COL4A1: variants seen among roughly 807,000 people sequenced by gnomAD.
The protein encoded by COL4A1 is collagen alpha-1(IV) chain.
COL4A1 carries 40 observed loss-of-function variants against 216.6 expected under a neutral mutation model. The observed-to-expected ratio is 0.18, with a 90% CI of 0.14 to 0.24. The LOEUF is 0.24. Ranked by LOEUF, COL4A1 falls within the 10% of genes least tolerant of loss-of-function variation. The pLI is 1.00. For synonymous variants in COL4A1, 839 were observed against 810.7 expected (o/e 1.03, Z -0.59); for missense variants, 1,628 against 2,196.8 (o/e 0.74, Z 5.18).
chr13:110,209,963 C>T lies in COL4A1; in HGVS notation c.615+17G>A. ...TTTTTAAATGATTGCCTCGGAGAGA[C>T]AGCCCCCAAAACTTACTGGTGGTCC... On this transcript the variant is annotated intron_variant, in intron 10 of 51. Coordinates refer to ENST00000375820, the MANE Select transcript of COL4A1 (RefSeq NM_001845.6). 2 of 1,613,882 alleles carry T rather than the reference C, an allele frequency of 1.2e-6. No homozygotes were observed. Among genetic ancestry groups the T allele is most frequent in the Non-Finnish European group, 1.7e-6 (2 of 1,179,768 alleles).
In COL4A1 at chr13:110,252,636, A is replaced by G. The variant is rs1286657098; in HGVS notation, c.85-9902T>C. 0.019 allele frequency among the ~76,000 whole-genome samples: 104 copies of G among 5,338 alleles called. 50 individuals are homozygous for G. In the Non-Finnish European group the frequency reaches 0.32, roughly 16 times the overall value. The allele number at this position is 5,338 out of a possible 152,430, so 3.5% of individuals were successfully genotyped here. A position where few individuals can be genotyped will look rare whatever the true frequency, so the allele number is the denominator to read the frequency against. ...ATATGTATAATTGTATATATTATAT[A>G]TACTTATATACAAAATGTATATATG... On this transcript the variant is annotated intron_variant, in intron 1 of 51. Transcript: ENST00000375820.
At chr13:110,284,929 C>G (rs1391643190) in intron 1 of COL4A1, among the ~76,000 whole-genome samples, 1 of 152,210 alleles carries the variant, frequency 6.6e-6, no homozygotes, top group Non-Finnish European at 1.5e-5. Context: ...ATGACACCGT[C>G]CCTGCCCTTG....
At chr13:110,192,721 A>G in intron 23 of COL4A1, 109 bp downstream of exon 23, 1 of 861,366 alleles carries the variant, frequency 1.2e-6, no homozygotes, top group Non-Finnish European at 1.9e-6. Flanking sequence ...ATGCTTTAGG[A>G]TTGGCTGCCG....
At position 110,268,611 on chromosome 13, in the gene COL4A1, G is replaced by C. The variant is rs1224467293; in HGVS notation, c.85-25877C>G. Reference sequence around the variant, plus strand: ...TTGAGCTTCAAGCCTCAGTTAAAATGCTGGCCGTGCCACTGTGCTCTGCTG... The same window carrying C: ...TTGAGCTTCAAGCCTCAGTTAAAATCCTGGCCGTGCCACTGTGCTCTGCTG... On this transcript the variant is annotated intron_variant, in intron 1 of 51. Coordinates refer to ENST00000375820, the MANE Select transcript of COL4A1 (RefSeq NM_001845.6). The surrounding 1 kb of genome is among the most constrained non-coding windows in gnomAD (Gnocchi z 4.1). Among the ~76,000 whole-genome samples, 2 of 152,228 alleles carry C rather than the reference G, an allele frequency of 1.3e-5. No homozygotes were observed. Among genetic ancestry groups the C allele is most frequent in the Admixed American group, 1.3e-4 (2 of 15,292 alleles).
intron 41 of COL4A1, among the ~76,000 whole-genome samples, chr13:110,170,940 G>A (rs1456227561): frequency 6.6e-6 from 1 of 152,216 alleles, no homozygotes; most frequent in Non-Finnish European, 1.5e-5. Flanking sequence ...TGGCCTGGCT[G>A]GAAAAAGAGC....
chr13:110,291,432 G>T lies in COL4A1; in HGVS notation c.84+15512C>A, dbSNP rs188940074. ...ATGTCGGGATGTGCTAGGGGTGCAC[G>T]GGAGCGCCATTAGTAATTTCACCCA... is the stretch of plus-strand genomic sequence containing the variant. On this transcript the variant is annotated intron_variant, in intron 1 of 51. Coordinates refer to ENST00000375820, the MANE Select transcript of COL4A1 (RefSeq NM_001845.6). Among the ~76,000 whole-genome samples the T allele has an allele frequency of 2.8e-4, 43 of 152,266 alleles. No individual in the cohort carries two copies. The East Asian group carries it at 7.3e-3, about 26-fold the overall frequency.
At chr13:110,227,564 G>C (rs1289339816) in intron 2 of COL4A1, among the ~76,000 whole-genome samples, 1 of 152,068 alleles carries the variant, frequency 6.6e-6, no homozygotes, top group Non-Finnish European at 1.5e-5. Flanking sequence ...CCACTCCCAG[G>C]GTCTGAGGTC....
chr13:110,194,973 A>G (rs1225913021), intron 22 of COL4A1, 50 bp downstream of exon 22: 1 of 1,547,434 alleles, frequency 6.5e-7, no homozygotes, highest in African/African-American at 1.4e-5. Context: ...GTGGGAAAAA[A>G]TCATACGCAA....
rs530096241 is a variant in COL4A1, at chr13:110,175,708, A to C, written c.3059-351T>G. 8.5e-5 allele frequency among the ~76,000 whole-genome samples: 13 copies of C among 152,364 alleles called. No individual in the cohort carries two copies. The East Asian group carries it at 2.5e-3, about 29-fold the overall frequency. On this transcript the variant is annotated intron_variant, in intron 36 of 51. Transcript: ENST00000375820. ...CTTTATTATACAGCCAGCTCTCATCAGCCAGACGTCACAGGGACTATGAGG... is the reference window on the plus strand; with the variant it reads ...CTTTATTATACAGCCAGCTCTCATCCGCCAGACGTCACAGGGACTATGAGG...
Position 110,271,880 on chromosome 13 carries a change from T to A in COL4A1, c.85-29146A>T, listed in dbSNP as rs192111376. On this transcript the variant is annotated intron_variant, in intron 1 of 51. Coordinates refer to ENST00000375820, the MANE Select transcript of COL4A1 (RefSeq NM_001845.6). ...AAGATATACGGGAATACTTTGGAAC[T>A]TTTTTCTAAGTCTGAAGTTATTTCA... Among the ~76,000 whole-genome samples the A allele has an allele frequency of 2.6e-5, 4 of 152,366 alleles. No homozygotes were observed. In the East Asian group the frequency reaches 7.7e-4, roughly 29 times the overall value.
At chr13:110,291,088 C>A (rs1884068359) in intron 1 of COL4A1, among the ~76,000 whole-genome samples, 1 of 152,236 alleles carries the variant, frequency 6.6e-6, no homozygotes, top group Admixed American at 6.5e-5. Flanking sequence ...CTCCTCAGGA[C>A]ACTTGCAGCT....
Position 110,211,318 on chromosome 13 carries a change from C to A in COL4A1, c.468+329G>T, listed in dbSNP as rs1879785753. ...CGCCTGGGAAAAGCTGCCCCAGGTTCCCTCCTGGGAAGTCTGAGAGGCACC... is the reference window on the plus strand; with the variant it reads ...CGCCTGGGAAAAGCTGCCCCAGGTTACCTCCTGGGAAGTCTGAGAGGCACC... On this transcript the variant is annotated intron_variant, in intron 8 of 51. Coordinates refer to ENST00000375820, the MANE Select transcript of COL4A1 (RefSeq NM_001845.6). This position sits in a 1 kb window ranked among gnomAD's most constrained non-coding sequence, Gnocchi z 4.3. Among the ~76,000 whole-genome samples, 1 of 152,224 alleles carries A rather than the reference C, an allele frequency of 6.6e-6. No homozygotes were observed.
At chr13:110,230,298 G>A (rs1332927487) in intron 2 of COL4A1, among the ~76,000 whole-genome samples, 1 of 152,050 alleles carries the variant, frequency 6.6e-6, no homozygotes, top group African/African-American at 2.4e-5. Context: ...ATGTATGTGT[G>A]TGGTGTGTGC....
At chr13:110,183,933 T>C (rs1055590220) in intron 26 of COL4A1, among the ~76,000 whole-genome samples, 11 of 152,262 alleles carry the variant, frequency 7.2e-5, no homozygotes, top group African/African-American at 2.4e-4. Context: ...CCTCCAAGAA[T>C]GCACGCACTG....
chr13:110,178,386 G>A (rs1408025864), intron 31 of COL4A1, among the ~76,000 whole-genome samples, 155 bp from the exon 32 acceptor site: 2 of 152,176 alleles, frequency 1.3e-5, no homozygotes, highest in Non-Finnish European at 2.9e-5. Context: ...TTGGTGTTTG[G>A]GGTCATCAGG....
chr13:110,279,983 A>C (rs1233728605), intron 1 of COL4A1, among the ~76,000 whole-genome samples: 1 of 152,142 alleles, frequency 6.6e-6, no homozygotes, highest in African/African-American at 2.4e-5. Flanking sequence ...GTGTCTGCAC[A>C]TTACTGAATT....
intron 2 of COL4A1, among the ~76,000 whole-genome samples, chr13:110,226,286 T>C (rs1880733181): frequency 6.6e-6 from 1 of 152,194 alleles, no homozygotes; most frequent in African/African-American, 2.4e-5. Context: ...TTAATAAATA[T>C]CTCTGTAATT....
chr13:110,259,496 C>G (rs959415850), intron 1 of COL4A1, among the ~76,000 whole-genome samples: 1 of 152,202 alleles, frequency 6.6e-6, no homozygotes, highest in Non-Finnish European at 1.5e-5. Context: ...AAGGAATCAA[C>G]ATTGTCCATC....
chr13:110,209,504 T>C (rs1879676655), intron 10 of COL4A1, 77 bp from the exon 11 acceptor site: 3 of 1,007,264 alleles, frequency 3.0e-6, no homozygotes, highest in African/African-American at 1.6e-5. Flanking sequence ...GCTGACGTTA[T>C]CTTAAGATTC....
Sources: gnomAD v4.1 joint callset for allele counts (sites outside exome capture counted in the v4.1 genomes callset) on GRCh38, gnomAD v4.1.1 for gene constraint, Gnocchi (gnomAD v3.1) non-coding constraint, MANE v1.5 for transcripts, NCBI Gene and HGNC (gene_info 2026-07-23, HGNC 2026-07-21) for gene names.